The following SLC10A2 variants were observed in gnomAD, a reference collection of about 807,000 sequenced individuals.
SLC10A2 encodes the protein solute carrier family 10 member 2.
Under a neutral mutation model 27.1 loss-of-function variants are expected in SLC10A2, and 34 were observed. That is an observed-to-expected ratio of 1.26 (90% CI 0.96 to 1.67). The LOEUF is 1.67. Ranked by LOEUF, SLC10A2 falls within the 40% of genes most tolerant of loss-of-function variation. The probability of loss-of-function intolerance (pLI) is 0.00; values close to 1 mark genes in which losing one functional copy is unlikely to be tolerated. For missense variants in SLC10A2, 530 were observed against 444.4 expected (o/e 1.19, Z -1.73); for synonymous variants, 205 against 174.0 (o/e 1.18, Z -1.40).
rs1370143354 is a variant in SLC10A2, at chr13:103,046,153, A to G, written c.1027T>C (p.Phe343Leu). Residue 343 changes from phenylalanine to leucine, a missense_variant, in exon 6 of 6, where the codon TTT becomes CTT. Transcript: ENST00000245312. ...GATGTCTACTTTTCGTCAGGTTGAA[A>G]TCCTCCATTTGCCTTATAAAACGAT... ...ESSFYKANGGFQPDEK is the reference protein window; with the variant it reads ...ESSFYKANGGLQPDEK The G allele has an allele frequency of 6.2e-7, 1 of 1,613,678 alleles. No individual in the cohort carries two copies. Among genetic ancestry groups the G allele is most frequent in the Non-Finnish European group, 8.5e-7 (1 of 1,179,856 alleles).
intron 4 of SLC10A2, among the ~76,000 whole-genome samples, chr13:103,050,001 C>CA (rs1473637798): frequency 6.6e-6 from 1 of 151,382 alleles, no homozygotes; most frequent in African/African-American, 2.4e-5. Flanking sequence ...CAAAACAAAA[C>CA]AAAAAAATTA....
intron 5 of SLC10A2, among the ~76,000 whole-genome samples, chr13:103,048,448 A>AAAGCAAAACC (rs1875676915): frequency 6.6e-6 from 1 of 151,960 alleles, no homozygotes; most frequent in Admixed American, 6.6e-5. Context: ...GAGAGAGAGA[A>AAAGCAAAACC]AAGCAAAACC....
intron 5 of SLC10A2, among the ~76,000 whole-genome samples, chr13:103,048,393 AAAAAAAAGAAAAAAAAAGAAAAGAAAAG>A (rs1268398691): frequency 1.2e-4 from 18 of 145,414 alleles, no homozygotes; most frequent in African/African-American, 4.9e-4. Flanking sequence ...GCTGTCTCAA[AAAAAAAAGAAAAAAAAAGAAAAGAAAAG>A]AAAAAAAGAA....
chr13:103,049,441 C>T lies in SLC10A2; in HGVS notation c.767G>A (p.Arg256Gln), dbSNP rs201821506. 67 of 1,613,592 alleles carry T rather than the reference C, an allele frequency of 4.2e-5. No individual in the cohort carries two copies. In the Middle Eastern group the frequency reaches 8.2e-4, roughly 20 times the overall value. ...RIAGLPWYRC[R>Q]TVAFETGMQN... is the part of the protein sequence containing the mutation. ...CATCCCCGTTTCAAAAGCAACCGTT[C>T]GGCACCTAAAGAAGATGTTAAGAGA... The change falls in exon 5 of 6, where the codon CGA becomes CAA. Residue 256 changes from arginine to glutamine, a missense_variant. By Grantham distance (43) the Arg-to-Gln change is conservative. Transcript: ENST00000245312.
intron 5 of SLC10A2, among the ~76,000 whole-genome samples, chr13:103,048,206 CG>C (rs1367627415): frequency 6.6e-6 from 1 of 151,870 alleles, no homozygotes; most frequent in Non-Finnish European, 1.5e-5. Context: ...CTGCCCGCCT[CG>C]GAACCCCGTC....
intron 4 of SLC10A2, among the ~76,000 whole-genome samples, chr13:103,050,998 A>C (rs944169790): frequency 6.6e-6 from 1 of 152,188 alleles, no homozygotes; most frequent in Non-Finnish European, 1.5e-5. Flanking sequence ...AGAGAGGTGC[A>C]CTGAGGAAAG....
Position 103,046,178 on chromosome 13 carries a change from T to G in SLC10A2, c.1002A>C (p.Ser334=). 1 of 1,614,002 alleles carries G rather than the reference T, an allele frequency of 6.2e-7. No homozygotes were observed. Among genetic ancestry groups the G allele is most frequent in the Non-Finnish European group, 8.5e-7 (1 of 1,179,910 alleles). The part of the protein sequence containing the change: ...ESKENGTEPE[S]SFYKANGGFQ... ...ATCCTCCATTTGCCTTATAAAACGA[T>G]GACTCTGGCTCCGTTCCATTTTCTT... The change falls in exon 6 of 6, where the codon TCA becomes TCC. Residue 334 remains serine (S), a synonymous_variant. Coordinates refer to ENST00000245312, the MANE Select transcript of SLC10A2 (RefSeq NM_000452.3).
chr13:103,064,436 A>G (rs1876213864), intron 1 of SLC10A2, among the ~76,000 whole-genome samples: 1 of 152,140 alleles, frequency 6.6e-6, no homozygotes, highest in Admixed American at 6.5e-5. Context: ...GTCCAGTACC[A>G]CACACGTTTT....
In SLC10A2 at chr13:103,065,899, A is replaced by G. The variant is rs200030539; in HGVS notation, c.351T>C (p.Tyr117=). Residue 117 remains tyrosine, a synonymous_variant, in exon 1 of 6, where the codon TAT becomes TAC. Coordinates refer to ENST00000245312, the MANE Select transcript of SLC10A2 (RefSeq NM_000452.3). ...TCAGGTCCATGTCGCCATCGACCCA[A>G]TAGGCCAAGATATTGGAGGCAGTTC... is the stretch of plus-strand genomic sequence containing the variant. ...PGGTASNILA[Y]WVDGDMDLSV... is the part of the protein sequence containing the mutation. The G allele has an allele frequency of 5.0e-6, 8 of 1,614,040 alleles. No individual in the cohort carries two copies. Among genetic ancestry groups the G allele is most frequent in the Non-Finnish European group, 6.8e-6 (8 of 1,180,026 alleles).
chr13:103,047,850 A>G (rs2138910558), intron 5 of SLC10A2, among the ~76,000 whole-genome samples: 1 of 152,210 alleles, frequency 6.6e-6, no homozygotes, highest in South Asian at 2.1e-4. Flanking sequence ...CTTATCTAGT[A>G]GACATCATTA....
Position 103,044,623 on chromosome 13 carries a change from C to G in SLC10A2, c.*1510G>C, listed in dbSNP as rs1225461361. Reference sequence around the variant, plus strand: ...ATCCCTCACCCCTCTACTGGAAGAGCTAAGTTGAGTTCCTGTTCCCATAAT... The same window carrying G: ...ATCCCTCACCCCTCTACTGGAAGAGGTAAGTTGAGTTCCTGTTCCCATAAT... On this transcript the variant is annotated 3_prime_UTR_variant, in exon 6 of 6. Coordinates refer to ENST00000245312, the MANE Select transcript of SLC10A2 (RefSeq NM_000452.3). The G allele has an allele frequency of 6.6e-6, 1 of 152,184 alleles. No individual in the cohort carries two copies. Among genetic ancestry groups the G allele is most frequent in the Non-Finnish European group, 1.5e-5 (1 of 68,016 alleles). The allele number at this position is 152,184 out of a possible 1,614,324, so 9.4% of individuals were successfully genotyped here.
intron 1 of SLC10A2, 55 bp from the exon 2 acceptor site, chr13:103,058,437 C>A: frequency 2.9e-6 from 3 of 1,051,638 alleles, no homozygotes; most frequent in Non-Finnish European, 4.5e-6. Context: ...AGGGAAGATG[C>A]TGTTTTATTT....
rs754745525 is a variant in SLC10A2, at chr13:103,052,614, A to T, written c.585+6T>A. On this transcript the variant is annotated splice_donor_region_variant and intron_variant, in intron 3 of 5. Coordinates refer to ENST00000245312, the MANE Select transcript of SLC10A2 (RefSeq NM_000452.3). ...AATATTTAATGGTGTGAACTGGGAT[A>T]CTTACTTTAAGTATGATCTTTGCTT... 4.4e-6 allele frequency: 7 copies of T among 1,573,886 alleles called. No homozygotes were observed. The highest frequency in any genetic ancestry group is 1.7e-5 in the Admixed American group (1 of 59,968).
chr13:103,063,205 T>C (rs1876176175), intron 1 of SLC10A2, among the ~76,000 whole-genome samples: 1 of 146,636 alleles, frequency 6.8e-6, no homozygotes, highest in Middle Eastern at 3.4e-3. Context: ...AGGACTATTG[T>C]CTATTTTTTT....
intron 1 of SLC10A2, among the ~76,000 whole-genome samples, chr13:103,059,271 C>T (rs1285091253): frequency 3.9e-5 from 6 of 152,076 alleles, no homozygotes; most frequent in South Asian, 2.1e-4. Flanking sequence ...GAGAAGCATC[C>T]GTTCATGTCA....
rs1019290279 is a variant in SLC10A2, at chr13:103,044,428, T to A, written c.*1705A>T. 6.6e-5 allele frequency: 10 copies of A among 152,186 alleles called. No individual in the cohort carries two copies. The highest frequency in any genetic ancestry group is 1.9e-4 in the African/African-American group (8 of 41,456). The allele number at this position is 152,186 out of a possible 1,614,324, so 9.4% of individuals were successfully genotyped here. A position where few individuals can be genotyped will look rare whatever the true frequency, so the allele number is the denominator to read the frequency against. On this transcript the variant is annotated 3_prime_UTR_variant, in exon 6 of 6. Coordinates refer to ENST00000245312, the MANE Select transcript of SLC10A2 (RefSeq NM_000452.3). ...CTTCCTTTCCACCATTGGGAGCATA[T>A]TCTCTGACACTCTCTAAGAAGGAAG...
At chr13:103,055,642 A>AG (rs1289490598) in intron 2 of SLC10A2, among the ~76,000 whole-genome samples, 1 of 152,250 alleles carries the variant, frequency 6.6e-6, no homozygotes, top group Non-Finnish European at 1.5e-5. Flanking sequence ...ATCTGTAGAA[A>AG]GTAAAAAGTT....
intron 2 of SLC10A2, among the ~76,000 whole-genome samples, chr13:103,055,239 CT>C (rs920140349): frequency 6.6e-6 from 1 of 152,188 alleles, no homozygotes; most frequent in African/African-American, 2.4e-5. Context: ...CTATAAACTT[CT>C]TGGCACAAGA....
At chr13:103,047,323 C>A (rs1450295094) in intron 5 of SLC10A2, among the ~76,000 whole-genome samples, 1 of 152,088 alleles carries the variant, frequency 6.6e-6, no homozygotes, top group Non-Finnish European at 1.5e-5. Context: ...AACTTCTAGT[C>A]ATATATTATT....
Sources: allele counts gnomAD v4.1 joint callset (sites outside exome capture counted in the v4.1 genomes callset), GRCh38; gene constraint gnomAD v4.1.1; transcripts MANE v1.5; gene names NCBI Gene and HGNC (gene_info 2026-07-23, HGNC 2026-07-21).